Variants in ESCO1 observed in about 807,000 individuals in gnomAD.
The protein encoded by ESCO1 is establishment of sister chromatid cohesion N-acetyltransferase 1, also known as N-acetyltransferase ESCO1.
Under a neutral mutation model 83.5 loss-of-function variants are expected in ESCO1, and 33 were observed. The observed-to-expected ratio is 0.40, with a 90% CI of 0.30 to 0.53. ESCO1 has a LOEUF of 0.53. ESCO1 is among the 20% of genes least tolerant of loss of function. The probability of loss-of-function intolerance (pLI) is 0.63; values close to 1 mark genes in which losing one functional copy is unlikely to be tolerated. For missense variants in ESCO1, 855 were observed against 968.0 expected, an observed-to-expected ratio of 0.88 and a Z score of 1.55; for synonymous variants, 332 against 324.3, an observed-to-expected ratio of 1.02 and a Z score of -0.25.
Position 21,596,377 on chromosome 18 carries a change from T to C in ESCO1, c.-825+4246A>G, listed in dbSNP as rs532677814. ...GTAATACTTAATGCCTCCTTTTAATTTACCCTCTGAGTTTTTATCTGTGAG... is the reference window on the plus strand; with the variant it reads ...GTAATACTTAATGCCTCCTTTTAATCTACCCTCTGAGTTTTTATCTGTGAG... On this transcript the variant is annotated intron_variant, in intron 1 of 11. Transcript: ENST00000269214. Among the ~76,000 whole-genome samples, 249 of 152,138 alleles carry C rather than the reference T, an allele frequency of 1.6e-3. 1 individual carries two copies. Among genetic ancestry groups the C allele is most frequent in the African/African-American group, 5.8e-3 (240 of 41,406 alleles).
At position 21,539,918 on chromosome 18, in the gene ESCO1, A is replaced by G; in HGVS notation, c.2043+2T>C. 1.2e-6 allele frequency: 2 copies of G among 1,611,410 alleles called. No homozygotes were observed. Among genetic ancestry groups the G allele is most frequent in the Non-Finnish European group, 1.7e-6 (2 of 1,178,654 alleles). ...CTACATGAAGTTTCACTGGAAATTT[A>G]CCTTTTTCAGGGCATACTTTGGGTC... On this transcript the variant is annotated splice_donor_variant, in intron 9 of 11. Transcript: ENST00000269214. LOFTEE classifies it high-confidence loss of function.
chr18:21,561,175 T>G (rs2038180955), intron 7 of ESCO1, among the ~76,000 whole-genome samples, 185 bp from the exon 8 acceptor site: 1 of 152,232 alleles, frequency 6.6e-6, no homozygotes, highest in African/African-American at 2.4e-5. Context: ...TAGGAAATGT[T>G]TCCATTTTAG....
intron 8 of ESCO1, among the ~76,000 whole-genome samples, chr18:21,560,496 T>A: frequency 6.6e-6 from 1 of 151,924 alleles, no homozygotes; most frequent in East Asian, 1.9e-4. Context: ...AATATAAAAC[T>A]GTGCCAAGAA....
intron 4 of ESCO1, among the ~76,000 whole-genome samples, chr18:21,569,300 A>G (rs1247732728): frequency 6.6e-6 from 1 of 152,264 alleles, no homozygotes; most frequent in Non-Finnish European, 1.5e-5. Flanking sequence ...AGTAAATAAC[A>G]AAAGAAAATA....
intron 6 of ESCO1, among the ~76,000 whole-genome samples, chr18:21,564,673 GGC>G (rs1421613110): frequency 2.6e-5 from 4 of 151,934 alleles, no homozygotes; most frequent in African/African-American, 7.3e-5. Flanking sequence ...TGGGATTACA[GGC>G]GTGAGCCACC....
intron 8 of ESCO1, among the ~76,000 whole-genome samples, chr18:21,547,678 C>T (rs1254137297): frequency 6.6e-6 from 1 of 151,972 alleles, no homozygotes; most frequent in Non-Finnish European, 1.5e-5. Flanking sequence ...CTCAAAAAAA[C>T]AGCTATCAAA....
chr18:21,564,397 C>CT (rs375031583), intron 6 of ESCO1, 80 bp from the exon 7 acceptor site: 45,335 of 746,216 alleles, frequency 0.061, 2 homozygotes, highest in East Asian at 0.077. Flanking sequence ...AACTTATTTT[C>CT]TTTTTTTTTT....
intron 1 of ESCO1, among the ~76,000 whole-genome samples, chr18:21,595,489 G>A (rs2038751727): frequency 6.6e-6 from 1 of 150,962 alleles, no homozygotes; most frequent in Non-Finnish European, 1.5e-5. Flanking sequence ...CTAACACAGT[G>A]AAACCCCGTC....
chr18:21,598,814 G>A (rs767693791), intron 1 of ESCO1, among the ~76,000 whole-genome samples: 9 of 152,076 alleles, frequency 5.9e-5, no homozygotes, highest in African/African-American at 2.2e-4. Context: ...GTTCTAGCTC[G>A]TAAGCCAGGA....
chr18:21,562,562 G>A (rs1352633480), intron 7 of ESCO1, among the ~76,000 whole-genome samples: 4 of 151,880 alleles, frequency 2.6e-5, no homozygotes, highest in Non-Finnish European at 5.9e-5. Flanking sequence ...GATCACTTGA[G>A]GCTGGGAGGT....
chr18:21,582,298 T>C (rs2146221051), intron 2 of ESCO1, among the ~76,000 whole-genome samples: 1 of 152,154 alleles, frequency 6.6e-6, no homozygotes. Flanking sequence ...GGTGCAATCT[T>C]GGCTCACTGC....
At chr18:21,599,125 C>A (rs2038805021) in intron 1 of ESCO1, among the ~76,000 whole-genome samples, 1 of 152,050 alleles carries the variant, frequency 6.6e-6, no homozygotes, top group Admixed American at 6.6e-5. Context: ...TCACTTGATC[C>A]CAGGAGTTCG....
chr18:21,579,794 G>GCGCGCGCGCACA (rs1192534759), intron 2 of ESCO1, among the ~76,000 whole-genome samples: 4 of 37,126 alleles, frequency 1.1e-4, no homozygotes, highest in African/African-American at 2.3e-4. Flanking sequence ...ACGCGCGCGC[G>GCGCGCGCGCACA]CACACACACA....
intron 8 of ESCO1, among the ~76,000 whole-genome samples, chr18:21,554,864 T>A (rs1368600462): frequency 1.3e-5 from 2 of 151,634 alleles, no homozygotes; most frequent in African/African-American, 4.9e-5. Context: ...GCAGAGATCA[T>A]GCCACTGCAC....
intron 8 of ESCO1, among the ~76,000 whole-genome samples, chr18:21,558,976 T>C (rs529852075): frequency 6.6e-6 from 1 of 152,300 alleles, no homozygotes; most frequent in South Asian, 2.1e-4. Context: ...TTAATGTCTA[T>C]GAAAGGCATA....
At chr18:21,538,722 A>G (rs1473324150) in intron 9 of ESCO1, among the ~76,000 whole-genome samples, 1 of 152,176 alleles carries the variant, frequency 6.6e-6, no homozygotes, top group Non-Finnish European at 1.5e-5. Context: ...AAAAAAAAGT[A>G]TAATAAACTG....
At chr18:21,552,961 T>C (rs2038063430) in intron 8 of ESCO1, among the ~76,000 whole-genome samples, 1 of 152,242 alleles carries the variant, frequency 6.6e-6, no homozygotes, top group Admixed American at 6.5e-5. Context: ...ACTGATCAAC[T>C]GGACTTCATT....
intron 2 of ESCO1, among the ~76,000 whole-genome samples, chr18:21,578,571 G>A (rs1465220024): frequency 6.6e-6 from 1 of 152,074 alleles, no homozygotes; most frequent in Admixed American, 6.6e-5. Context: ...AAAGGGCCAA[G>A]ACTGCCAGGT....
At chr18:21,583,059 G>A (rs542061365) in intron 2 of ESCO1, among the ~76,000 whole-genome samples, 3 of 152,128 alleles carry the variant, frequency 2.0e-5, no homozygotes, top group Non-Finnish European at 4.4e-5. Context: ...GCAGGCACCT[G>A]TAATCCCAGC....
Sources: gnomAD v4.1 joint callset for allele counts (sites outside exome capture counted in the v4.1 genomes callset) on GRCh38, gnomAD v4.1.1 for gene constraint, MANE v1.5 for transcripts, NCBI Gene and HGNC (gene_info 2026-07-23, HGNC 2026-07-21) for gene names.